Variants in SUGCT observed in about 807,000 individuals in gnomAD.
SUGCT encodes the protein succinyl-CoA:glutarate CoA-transferase.
In SUGCT, 41 loss-of-function variants were observed where a neutral mutation model predicts 55.0. The observed-to-expected ratio is 0.74, with a 90% CI of 0.58 to 0.97. The LOEUF (loss-of-function observed/expected upper bound fraction) is 0.97. Among genes scored for constraint, SUGCT ranks in the 50% least tolerant of loss-of-function variants. The probability of loss-of-function intolerance (pLI) is 0.00; values close to 1 mark genes in which losing one functional copy is unlikely to be tolerated. For synonymous variants in SUGCT, 187 were observed against 200.4 expected (o/e 0.93, Z 0.56); for missense variants, 568 against 547.8 (o/e 1.04, Z -0.37).
intron 9 of SUGCT, among the ~76,000 whole-genome samples, chr7:40,380,094 AT>A (rs1784797025): frequency 6.6e-6 from 1 of 152,154 alleles, no homozygotes; most frequent in Non-Finnish European, 1.5e-5. Context: ...AAAATGAGGT[AT>A]TTTCCATAGG....
At chr7:40,220,487 A>G (rs1472714440) in intron 6 of SUGCT, among the ~76,000 whole-genome samples, 1 of 152,260 alleles carries the variant, frequency 6.6e-6, no homozygotes, top group Non-Finnish European at 1.5e-5. Context: ...CCTTCAAGCC[A>G]AGTGATAGTC....
At chr7:40,477,046 G>C (rs1272438048) in intron 11 of SUGCT, among the ~76,000 whole-genome samples, 1 of 152,042 alleles carries the variant, frequency 6.6e-6, no homozygotes, top group Non-Finnish European at 1.5e-5. Context: ...ACTCATCTTA[G>C]CTTTAATGTG....
At chr7:40,384,726 G>A (rs1785029185) in intron 9 of SUGCT, among the ~76,000 whole-genome samples, 1 of 141,328 alleles carries the variant, frequency 7.1e-6, no homozygotes, top group Non-Finnish European at 1.5e-5. Context: ...TGTATTTTTG[G>A]TAGAGACGGG....
chr7:40,662,545 G>A (rs1801384159), intron 12 of SUGCT, among the ~76,000 whole-genome samples: 1 of 152,082 alleles, frequency 6.6e-6, no homozygotes, highest in African/African-American at 2.4e-5. Flanking sequence ...TTCCTTTTGG[G>A]ACCTTGAACC....
chr7:40,207,235 A>G (rs1379201769), intron 6 of SUGCT, among the ~76,000 whole-genome samples: 1 of 152,098 alleles, frequency 6.6e-6, no homozygotes, highest in East Asian at 1.9e-4. Context: ...CAAGCCACCA[A>G]TTAGGAAATG....
At chr7:40,481,158 C>T (rs1335211333) in intron 11 of SUGCT, among the ~76,000 whole-genome samples, 1 of 151,928 alleles carries the variant, frequency 6.6e-6, no homozygotes, top group Non-Finnish European at 1.5e-5. Context: ...GGCAACATGA[C>T]AAAACTCTGT....
chr7:40,785,403 A>G (rs1789959923), intron 13 of SUGCT, among the ~76,000 whole-genome samples: 2 of 152,200 alleles, frequency 1.3e-5, no homozygotes, highest in Admixed American at 6.5e-5. Flanking sequence ...CCTATTAAAG[A>G]AAGCTTAGTC....
rs192835978 is a variant in SUGCT, at chr7:40,140,005, C to T, written c.100+4885C>T. Among the ~76,000 whole-genome samples the T allele has an allele frequency of 4.5e-3, 682 of 151,858 alleles. 3 individuals carry two copies. Among genetic ancestry groups the T allele is most frequent in the Non-Finnish European group, 7.0e-3 (474 of 67,966 alleles). ...GCAGCCTCCGCCTCCTGGGTTCAAG[C>T]GATTCTCCTACCTTATCCTCCCAAG... On this transcript the variant is annotated intron_variant, in intron 1 of 13. Transcript: ENST00000335693.
intron 7 of SUGCT, among the ~76,000 whole-genome samples, chr7:40,253,140 C>T (rs952551643): frequency 1.3e-5 from 2 of 152,184 alleles, no homozygotes; most frequent in East Asian, 3.8e-4. Context: ...AGACAAACTA[C>T]TGTGAACCTC....
intron 12 of SUGCT, among the ~76,000 whole-genome samples, chr7:40,737,684 A>G (rs148240018): frequency 6.6e-6 from 1 of 152,312 alleles, no homozygotes; most frequent in African/African-American, 2.4e-5. Context: ...TGATACGGGG[A>G]TAACTGGTAT....
the SUGCT span, among the ~76,000 whole-genome samples, chr7:40,929,588 T>C: frequency 4.6e-3 from 700 of 151,988 alleles, 2 homozygotes; most frequent in Middle Eastern, 0.017. Flanking sequence ...AGCATCTGTT[T>C]CCTGACTTTT....
intron 13 of SUGCT, among the ~76,000 whole-genome samples, chr7:40,764,217 A>G (rs188277289): frequency 1.4e-4 from 22 of 152,314 alleles, no homozygotes; most frequent in African/African-American, 3.8e-4. Flanking sequence ...TCAAATTCCA[A>G]CCATTCCCTG....
intron 12 of SUGCT, among the ~76,000 whole-genome samples, chr7:40,516,391 G>T (rs1793233965): frequency 6.6e-6 from 1 of 152,050 alleles, no homozygotes; most frequent in African/African-American, 2.4e-5. Context: ...TGTGCTTTTG[G>T]TATCATATCC....
intron 12 of SUGCT, among the ~76,000 whole-genome samples, chr7:40,622,963 G>A (rs1480059850): frequency 1.3e-5 from 2 of 152,260 alleles, no homozygotes; most frequent in East Asian, 3.9e-4. Flanking sequence ...TGTGGTTTAG[G>A]GAGCCAAACA....
intron 7 of SUGCT, among the ~76,000 whole-genome samples, chr7:40,245,579 A>G (rs546385114): frequency 6.8e-6 from 1 of 148,140 alleles, no homozygotes; most frequent in South Asian, 2.2e-4. Flanking sequence ...AGCTGGGACT[A>G]CAGGGGCCCA....
rs1489975649 is a variant in SUGCT, at chr7:40,377,228, T to TA, written c.816+60373_816+60374insA. On this transcript the variant is annotated intron_variant, in intron 9 of 13. Coordinates refer to ENST00000335693, the MANE Select transcript of SUGCT (RefSeq NM_001193313.2). ...CTTTTCTTTTCTTTCTTTTCTTTCT[T>TA]TCTTCCCTTCCTTCCTTCCTTCTTT... Among the ~76,000 whole-genome samples the TA allele has an allele frequency of 2.8e-3, 83 of 29,806 alleles. 31 individuals are homozygous for TA. Among genetic ancestry groups the TA allele is most frequent in the Non-Finnish European group, 4.8e-3 (56 of 11,726 alleles). The allele number at this position is 29,806 out of a possible 152,430, so 19.6% of individuals were successfully genotyped here.
chr7:40,872,115 GC>G, the SUGCT span, among the ~76,000 whole-genome samples: 5 of 152,262 alleles, frequency 3.3e-5, no homozygotes, highest in Admixed American at 2.6e-4. Context: ...GCACAGCACA[GC>G]CCCACAGCAA....
chr7:40,856,075 G>C (rs1428150186), intron 13 of SUGCT, among the ~76,000 whole-genome samples: 1 of 152,056 alleles, frequency 6.6e-6, no homozygotes, highest in East Asian at 1.9e-4. Flanking sequence ...AAGATCAAAG[G>C]CTCTTGGGAG....
chr7:40,563,398 A>G (rs1212253664), intron 12 of SUGCT, among the ~76,000 whole-genome samples: 1 of 152,126 alleles, frequency 6.6e-6, no homozygotes, highest in Admixed American at 6.5e-5. Context: ...GCCTTCTAGG[A>G]AATGCTAAAG....
Sources: gnomAD v4.1 joint callset for allele counts (sites outside exome capture counted in the v4.1 genomes callset) on GRCh38, gnomAD v4.1.1 for gene constraint, MANE v1.5 for transcripts, NCBI Gene and HGNC (gene_info 2026-07-23, HGNC 2026-07-21) for gene names.